The following RBFOX2 variants were observed in gnomAD, a reference collection of about 807,000 sequenced individuals.
RBFOX2 encodes RNA binding fox-1 homolog 2.
In RBFOX2, 10 loss-of-function variants were observed where a neutral mutation model predicts 49.1. The ratio of observed to expected loss-of-function variants is 0.20; its 90% CI spans 0.13 to 0.35. The LOEUF is 0.35. Among genes scored for constraint, RBFOX2 ranks in the 10% least tolerant of loss-of-function variants. The probability of loss-of-function intolerance (pLI) is 1.00; values close to 1 mark genes in which losing one functional copy is unlikely to be tolerated. For missense variants in RBFOX2, 323 were observed against 486.9 expected (o/e 0.66, Z 3.17); for synonymous variants, 183 against 187.4 (o/e 0.98, Z 0.19).
intron 1 of RBFOX2, among the ~76,000 whole-genome samples, chr22:35,877,384 G>A (rs2045274005): frequency 6.6e-6 from 1 of 152,154 alleles, no homozygotes; most frequent in African/African-American, 2.4e-5. Flanking sequence ...TGGAGGTGAA[G>A]GGTAGAAAGG....
At chr22:35,968,522 G>T (rs1273911181) in intron 1 of RBFOX2, among the ~76,000 whole-genome samples, 1 of 152,100 alleles carries the variant, frequency 6.6e-6, no homozygotes, top group African/African-American at 2.4e-5. Flanking sequence ...AAGATCTTGA[G>T]CTAAGGTAGT....
Position 35,758,036 on chromosome 22 carries a change from A to G in RBFOX2, c.887+1852T>C, listed in dbSNP as rs1259220583. ...AGAATCCCAATATTCCCTGTATCAA[A>G]TGCCACAAGGAGGCTAGAAACGTAA... On this transcript the variant is annotated intron_variant, in intron 9 of 11. Coordinates refer to ENST00000405409, the Ensembl canonical transcript of RBFOX2. Among the ~76,000 whole-genome samples the G allele has an allele frequency of 2.0e-5, 3 of 152,210 alleles. No homozygotes were observed. In the East Asian group the frequency reaches 5.8e-4, roughly 29 times the overall value.
At chr22:35,883,304 T>C (rs185758727) in intron 1 of RBFOX2, among the ~76,000 whole-genome samples, 9 of 152,336 alleles carry the variant, frequency 5.9e-5, no homozygotes, top group East Asian at 1.9e-4. Context: ...CTCACCACAA[T>C]AGACAAAAGC....
At chr22:35,901,036 G>C (rs891336207) in intron 1 of RBFOX2, among the ~76,000 whole-genome samples, 1 of 152,174 alleles carries the variant, frequency 6.6e-6, no homozygotes, top group Non-Finnish European at 1.5e-5. Flanking sequence ...TTTACTCAGA[G>C]CATATTATGT....
At chr22:35,961,445 C>A (rs920721519) in intron 1 of RBFOX2, 49 of 1,129,568 alleles carry the variant, frequency 4.3e-5, no homozygotes, top group Non-Finnish European at 5.5e-5. Flanking sequence ...CAGCTCAGCA[C>A]AATTCCACAC....
At chr22:35,839,947 A>T (rs1958427381) in intron 1 of RBFOX2, among the ~76,000 whole-genome samples, 1 of 152,188 alleles carries the variant, frequency 6.6e-6, no homozygotes. Context: ...CCTGAGCTAC[A>T]GCTGCACAGT....
chr22:35,931,234 G>A, intron 1 of RBFOX2, among the ~76,000 whole-genome samples: 1 of 151,690 alleles, frequency 6.6e-6, no homozygotes, highest in Non-Finnish European at 1.5e-5. Flanking sequence ...CTGAAAGTGG[G>A]GTTCTAGACA....
At chr22:35,924,958 G>C (rs1569492622) in intron 1 of RBFOX2, among the ~76,000 whole-genome samples, 1 of 152,114 alleles carries the variant, frequency 6.6e-6, no homozygotes, top group Non-Finnish European at 1.5e-5. Context: ...CGGATCACTT[G>C]AGGTCAGGAG....
At chr22:35,873,993 CA>C (rs1249067529) in intron 1 of RBFOX2, among the ~76,000 whole-genome samples, 2 of 152,132 alleles carry the variant, frequency 1.3e-5, no homozygotes, top group Non-Finnish European at 2.9e-5. Context: ...TTCCAAATGT[CA>C]CAGATCAAAA....
upstream of RBFOX2, among the ~76,000 whole-genome samples, chr22:35,941,275 T>C: frequency 6.6e-6 from 1 of 152,114 alleles, no homozygotes; most frequent in Non-Finnish European, 1.5e-5. Flanking sequence ...CACCATTCTC[T>C]ACAAATTTTA....
chr22:35,770,019 G>A (rs938199615), intron 4 of RBFOX2, among the ~76,000 whole-genome samples: 2 of 152,140 alleles, frequency 1.3e-5, no homozygotes, highest in African/African-American at 4.8e-5. Context: ...TAAAGAATGT[G>A]TAAGTTTGTT....
intron 1 of RBFOX2, among the ~76,000 whole-genome samples, chr22:35,879,854 T>C (rs1044444324): frequency 7.9e-5 from 12 of 152,246 alleles, no homozygotes; most frequent in Middle Eastern, 6.8e-3. Flanking sequence ...CGAACCAGGA[T>C]AGAAGTGGCA....
intron 1 of RBFOX2, among the ~76,000 whole-genome samples, chr22:35,887,362 C>T (rs569607575): frequency 3.6e-4 from 55 of 152,244 alleles, no homozygotes; most frequent in African/African-American, 1.2e-3. Context: ...CCATCTCCTG[C>T]ACTTCCTTGC....
chr22:36,028,770 GCTGGCTCACACT>G (rs2059547458), exon 1 of RBFOX2, among the ~76,000 whole-genome samples: 2 of 151,938 alleles, frequency 1.3e-5, no homozygotes, highest in Non-Finnish European at 2.9e-5. Flanking sequence ...CACCGGCCGC[GCTGGCTCACACT>G]CTCCCTCACA....
Position 35,875,527 on chromosome 22 carries a change from T to C in RBFOX2, c.-34+63320A>G, listed in dbSNP as rs2044914741. Among the ~76,000 whole-genome samples the C allele has an allele frequency of 2.0e-5, 3 of 152,102 alleles. No homozygotes were observed. The South Asian group carries it at 6.2e-4, about 32-fold the overall frequency. On this transcript the variant is annotated intron_variant, in intron 1 of 13. Transcript: ENST00000359369. ...ATGAATGAGCGGTCAGAATCGATTC[T>C]GTACTTACAAAAGTAACATATCCTT...
intron 1 of RBFOX2, among the ~76,000 whole-genome samples, chr22:35,894,815 A>G (rs1305711105): frequency 1.3e-5 from 2 of 152,098 alleles, no homozygotes; most frequent in East Asian, 3.9e-4. Flanking sequence ...GTACTCACCC[A>G]GAGGTACATC....
chr22:35,919,878 G>A (rs2050836845), intron 1 of RBFOX2, among the ~76,000 whole-genome samples: 1 of 152,128 alleles, frequency 6.6e-6, no homozygotes, highest in Admixed American at 6.5e-5. Context: ...ATCTAGCTCA[G>A]GTTTACACCT....
intron 1 of RBFOX2, among the ~76,000 whole-genome samples, chr22:35,981,475 C>G (rs1292335177): frequency 6.6e-6 from 1 of 151,922 alleles, no homozygotes; most frequent in Non-Finnish European, 1.5e-5. Context: ...ATCCTTATCT[C>G]TACTAAAAAT....
chr22:36,022,031 T>G (rs929903389), intron 1 of RBFOX2, among the ~76,000 whole-genome samples: 2 of 152,244 alleles, frequency 1.3e-5, no homozygotes, highest in African/African-American at 4.8e-5. Flanking sequence ...CAATCATGTC[T>G]GTGGTTCTTC....
Sources: gnomAD v4.1 joint callset for allele counts (sites outside exome capture counted in the v4.1 genomes callset) on GRCh38, gnomAD v4.1.1 for gene constraint, MANE v1.5 for transcripts, NCBI Gene and HGNC (gene_info 2026-07-23, HGNC 2026-07-21) for gene names.